Variants in KAT6B observed in about 807,000 individuals in gnomAD.
The protein encoded by KAT6B is histone acetyltransferase KAT6B.
Under a neutral mutation model 187.5 loss-of-function variants are expected in KAT6B, and 10 were observed. The ratio of observed to expected loss-of-function variants is 0.05; its 90% confidence interval spans 0.03 to 0.09. The LOEUF is 0.09. Among genes scored for constraint, KAT6B ranks in the 10% least tolerant of loss-of-function variants. KAT6B has a pLI of 1.00. For missense variants in KAT6B, 1,952 were observed against 2,558.9 expected (o/e 0.76, Z 5.12); for synonymous variants, 861 against 926.8 (o/e 0.93, Z 1.29).
chr10:74,865,832 T>C (rs969235702), intron 3 of KAT6B, among the ~76,000 whole-genome samples: 1 of 152,216 alleles, frequency 6.6e-6, no homozygotes, highest in Non-Finnish European at 1.5e-5. Flanking sequence ...ATTATTTTCT[T>C]AATACTTGCT....
intron 13 of KAT6B, among the ~76,000 whole-genome samples, chr10:75,004,448 C>G (rs757092375): frequency 1.3e-5 from 2 of 152,196 alleles, no homozygotes; most frequent in African/African-American, 2.4e-5. Context: ...TTGTTTTTTA[C>G]ACTTTATTTA....
chr10:74,970,049 T>C lies in KAT6B; in HGVS notation c.876T>C (p.Asp292=), dbSNP rs367774560. The change falls in exon 6 of 18, where the codon GAT becomes GAC. Residue 292 remains aspartate, a synonymous_variant. Transcript: ENST00000287239. ...ADNMLFCDSC[D]RGFHMECCDP... ...ATATGCTTTTTTGTGATTCCTGTGA[T>C]AGAGGATTTCATATGGAATGCTGTG... 3 of 1,612,066 alleles carry C rather than the reference T, an allele frequency of 1.9e-6. No individual in the cohort carries two copies. The highest frequency in any genetic ancestry group is 1.3e-5 in the African/African-American group (1 of 74,892).
chr10:74,833,498 A>T (rs1292254284), intron 1 of KAT6B, among the ~76,000 whole-genome samples: 1 of 152,194 alleles, frequency 6.6e-6, no homozygotes, highest in Non-Finnish European at 1.5e-5. Flanking sequence ...AAATGCAGGG[A>T]TAACTATGCA....
At chr10:74,966,450 T>A (rs899196229) in intron 4 of KAT6B, among the ~76,000 whole-genome samples, 1 of 152,352 alleles carries the variant, frequency 6.6e-6, no homozygotes, top group Admixed American at 6.5e-5. Context: ...TTGTGCTTAC[T>A]ACAGAGCCTG....
intron 3 of KAT6B, among the ~76,000 whole-genome samples, chr10:74,868,822 T>A (rs563026108): frequency 6.6e-6 from 1 of 152,296 alleles, no homozygotes; most frequent in Non-Finnish European, 1.5e-5. Flanking sequence ...GTTAGCTCCA[T>A]GTTAGAGATG....
chr10:74,895,998 C>G (rs914744877), intron 3 of KAT6B, among the ~76,000 whole-genome samples: 3 of 151,882 alleles, frequency 2.0e-5, no homozygotes, highest in South Asian at 4.2e-4. Flanking sequence ...GTACCTTTCC[C>G]TCTTGTTTAA....
At chr10:74,920,285 G>A (rs945766950) in intron 3 of KAT6B, among the ~76,000 whole-genome samples, 2 of 152,166 alleles carry the variant, frequency 1.3e-5, no homozygotes, top group Non-Finnish European at 1.5e-5. Context: ...CCTCTTTGAA[G>A]CCCCATTTAC....
intron 8 of KAT6B, chr10:74,976,960 G>A (rs534297919): frequency 6.9e-6 from 2 of 289,896 alleles, no homozygotes; most frequent in South Asian, 6.9e-5. Context: ...TTTGGACAAA[G>A]TGGTAGAATT....
rs373297327 is a variant in KAT6B, at chr10:74,950,785, A to G, written c.622-9185A>G. On this transcript the variant is annotated intron_variant, in intron 3 of 17. Coordinates refer to ENST00000287239, the MANE Select transcript of KAT6B (RefSeq NM_012330.4). ...TGTGGACAATAATTCATTACCAGTAATAAGGCACCAAAATTTGTAAAATAT... is the reference window on the plus strand; with the variant it reads ...TGTGGACAATAATTCATTACCAGTAGTAAGGCACCAAAATTTGTAAAATAT... 6.6e-5 allele frequency among the ~76,000 whole-genome samples: 10 copies of G among 152,326 alleles called. No individual in the cohort carries two copies. In the South Asian group the frequency reaches 2.1e-3, roughly 32 times the overall value.
At chr10:75,016,302 T>A (rs1474119242) in intron 13 of KAT6B, among the ~76,000 whole-genome samples, 2 of 152,110 alleles carry the variant, frequency 1.3e-5, no homozygotes, top group Admixed American at 6.5e-5. Context: ...TTAACAGAGG[T>A]GAGGCACACT....
intron 4 of KAT6B, among the ~76,000 whole-genome samples, chr10:74,968,825 G>A (rs763147691): frequency 1.2e-4 from 19 of 152,194 alleles, no homozygotes; most frequent in Admixed American, 2.0e-4. Flanking sequence ...ACCTCTTGGA[G>A]GAATCTATTA....
At chr10:74,868,956 C>A (rs1377543023) in intron 3 of KAT6B, among the ~76,000 whole-genome samples, 1 of 152,202 alleles carries the variant, frequency 6.6e-6, no homozygotes, top group Non-Finnish European at 1.5e-5. Flanking sequence ...TGCCCTGCTG[C>A]TGTTTTAATG....
intron 3 of KAT6B, among the ~76,000 whole-genome samples, chr10:74,898,477 G>GTC (rs969150585): frequency 6.6e-6 from 1 of 151,868 alleles, no homozygotes; most frequent in African/African-American, 2.4e-5. Flanking sequence ...AGGGAATAGG[G>GTC]TCTTACTCTG....
intron 3 of KAT6B, among the ~76,000 whole-genome samples, chr10:74,959,112 G>A (rs904212812): frequency 9.2e-5 from 14 of 151,840 alleles, no homozygotes; most frequent in African/African-American, 3.4e-4. Flanking sequence ...TTTTTTGTTT[G>A]GTATGGTGTG....
At chr10:75,010,227 G>A (rs1323055582) in intron 13 of KAT6B, among the ~76,000 whole-genome samples, 1 of 152,184 alleles carries the variant, frequency 6.6e-6, no homozygotes, top group African/African-American at 2.4e-5. Flanking sequence ...TAAAAAATAA[G>A]CGAAAAGAAA....
chr10:74,969,614 TCAAAGG>T (rs1191733740), intron 4 of KAT6B, 40 bp from the exon 5 acceptor site: 1 of 1,153,026 alleles, frequency 8.7e-7, no homozygotes, highest in Non-Finnish European at 1.3e-6. Context: ...TTTAAAAAAG[TCAAAGG>T]CACCATTCCC....
At chr10:74,927,596 G>T (rs983367431) in intron 3 of KAT6B, among the ~76,000 whole-genome samples, 6 of 151,874 alleles carry the variant, frequency 4.0e-5, no homozygotes, top group Non-Finnish European at 7.4e-5. Context: ...GTGGGAAATG[G>T]GGCAGCCTCA....
chr10:74,906,226 C>G (rs867775887), intron 3 of KAT6B, among the ~76,000 whole-genome samples: 1 of 152,022 alleles, frequency 6.6e-6, no homozygotes, highest in Non-Finnish European at 1.5e-5. Flanking sequence ...ATGGTAAAAC[C>G]CCGTCTCCAC....
chr10:74,926,431 G>A (rs1385669168), intron 3 of KAT6B, among the ~76,000 whole-genome samples: 1 of 152,226 alleles, frequency 6.6e-6, no homozygotes, highest in Non-Finnish European at 1.5e-5. Flanking sequence ...TCCAGCCTGG[G>A]CAACAGACTG....
Sources: allele counts gnomAD v4.1 joint callset (sites outside exome capture counted in the v4.1 genomes callset), GRCh38; gene constraint gnomAD v4.1.1; transcripts MANE v1.5; gene names NCBI Gene and HGNC (gene_info 2026-07-23, HGNC 2026-07-21).